MAP1B: variants seen among roughly 807,000 people sequenced by gnomAD.
The protein encoded by MAP1B is microtubule associated protein 1B.
Under a neutral mutation model 176.1 loss-of-function variants are expected in MAP1B, and 12 were observed. The observed-to-expected ratio is 0.07, with a 90% confidence interval of 0.04 to 0.11. The LOEUF (loss-of-function observed/expected upper bound fraction) is 0.11, where lower values mean the gene tolerates loss of function less well. Among genes scored for constraint, MAP1B ranks in the 10% least tolerant of loss-of-function variants. The pLI is 1.00. For missense variants in MAP1B, 2,523 were observed against 2,990.5 expected (o/e 0.84, Z 3.65); for synonymous variants, 1,044 against 1,135.0 (o/e 0.92, Z 1.61).
At chr5:72,191,949 A>G (rs1747034290) in intron 4 of MAP1B, among the ~76,000 whole-genome samples, 1 of 152,184 alleles carries the variant, frequency 6.6e-6, no homozygotes, top group Non-Finnish European at 1.5e-5. Flanking sequence ...CAACCTGGTA[A>G]TTACATACTT....
chr5:72,154,413 G>GAC (rs1746193782), intron 2 of MAP1B, among the ~76,000 whole-genome samples: 1 of 152,214 alleles, frequency 6.6e-6, no homozygotes, highest in Admixed American at 6.5e-5. Context: ...TTTGTGAACA[G>GAC]ACACAGGAGT....
Position 72,203,563 on chromosome 5 carries a change from G to A in MAP1B, c.7013G>A (p.Gly2338Glu). Reference protein sequence around the residue: ...ASKSAKTATAGPGTTKTTKSS... With the variant: ...ASKSAKTATAEPGTTKTTKSS... ...CTTTGTCTTTGTTTATTTACCCAAG[G>A]ACCAGGAACTACCAAGACGACCAAG... Residue 2338 changes from glycine to glutamate, a missense_variant and splice_region_variant, in exon 6 of 7, where the codon GGA (glycine) becomes GAA (glutamate). Gly to Glu is a moderately conservative substitution (Grantham distance 98). Transcript: ENST00000296755. 1 of 1,611,962 alleles carries A rather than the reference G, an allele frequency of 6.2e-7. No homozygotes were observed.
chr5:72,150,067 C>T (rs1047653028), intron 2 of MAP1B, among the ~76,000 whole-genome samples: 3 of 152,254 alleles, frequency 2.0e-5, no homozygotes, highest in South Asian at 2.1e-4. Flanking sequence ...TTTTACATAC[C>T]TAGGTTTTTA....
chr5:72,128,392 A>G (rs538010283), intron 2 of MAP1B, among the ~76,000 whole-genome samples: 41 of 142,740 alleles, frequency 2.9e-4, no homozygotes, highest in African/African-American at 1.0e-3. Flanking sequence ...AGAGTCATTG[A>G]TTGCAGATAT....
chr5:72,139,425 C>A (rs544918548), intron 2 of MAP1B, among the ~76,000 whole-genome samples: 5 of 152,288 alleles, frequency 3.3e-5, no homozygotes, highest in East Asian at 3.9e-4. Context: ...TGAGAGTTTT[C>A]TTCCAGGGCT....
chr5:72,163,930 C>CTTTTTTTTTTTTTTTTT (rs869167918), intron 2 of MAP1B, among the ~76,000 whole-genome samples: 12 of 43,716 alleles, frequency 2.7e-4, no homozygotes, highest in African/African-American at 5.8e-4. Flanking sequence ...TTTTTTTTTT[C>CTTTTTTTTTTTTTTTTT]TTTTTTTTTT....
intron 2 of MAP1B, among the ~76,000 whole-genome samples, chr5:72,156,410 A>T (rs906536994): frequency 4.6e-5 from 7 of 152,232 alleles, no homozygotes; most frequent in African/African-American, 1.7e-4. Flanking sequence ...TTTTAATCTC[A>T]TCCTCTTAAA....
rs1292324002 is a variant in MAP1B at position 72,193,973 on chromosome 5, C to T, written c.618C>T (p.Leu206=). 6.2e-7 allele frequency: 1 copy of T among 1,614,172 alleles called. No homozygotes were observed. Among genetic ancestry groups the T allele is most frequent in the East Asian group, 2.2e-5 (1 of 44,886 alleles). Residue 206 remains leucine (L), a synonymous_variant, in exon 5 of 7, where the codon CTC becomes CTT. Coordinates refer to ENST00000296755, the MANE Select transcript of MAP1B (RefSeq NM_005909.5). ...ACTCCAATCTTGACAGACACAATCT[C>T]CAAGACTTCATCAATATTAAACTCA... ...WKNSNLDRHN[L]QDFINIKLNS...
chr5:72,165,487 AG>A (rs1242965855), intron 2 of MAP1B, among the ~76,000 whole-genome samples: 1 of 152,200 alleles, frequency 6.6e-6, no homozygotes, highest in Non-Finnish European at 1.5e-5. Context: ...GATGTTACTT[AG>A]GGGATTCAAT....
At position 72,177,350 on chromosome 5, in the gene MAP1B, T is replaced by C. The variant is rs569879048; in HGVS notation, c.287-6393T>C. The stretch of plus-strand genomic sequence containing the variant: ...CACCTCTTTCTCTTCCTCTCTGTTT[T>C]TCGTGCTTAGAAATGATGTGGTGGG... On this transcript the variant is annotated intron_variant, in intron 2 of 6. Coordinates refer to ENST00000296755, the MANE Select transcript of MAP1B (RefSeq NM_005909.5). Among the ~76,000 whole-genome samples the C allele has an allele frequency of 2.6e-4, 38 of 148,346 alleles. No individual in the cohort carries two copies. The South Asian group carries it at 7.0e-3, about 28-fold the overall frequency.
At chr5:72,107,789 C>T in intron 1 of MAP1B, 74 bp downstream of exon 1, 1 of 1,496,722 alleles carries the variant, frequency 6.7e-7, no homozygotes, top group South Asian at 1.2e-5. Context: ...GCGCGACGGT[C>T]ACTGCGCTCC....
intron 1 of MAP1B, among the ~76,000 whole-genome samples, chr5:72,110,782 C>G (rs1464388009): frequency 6.6e-6 from 1 of 152,178 alleles, no homozygotes; most frequent in Non-Finnish European, 1.5e-5. Context: ...TTCTTGCCAT[C>G]CGATTACTGA....
At chr5:72,113,655 A>G (rs940399716) in intron 1 of MAP1B, among the ~76,000 whole-genome samples, 3 of 152,212 alleles carry the variant, frequency 2.0e-5, no homozygotes, top group Non-Finnish European at 4.4e-5. Context: ...AATTGTATGA[A>G]TTTAATTTAA....
intron 3 of MAP1B, 51 bp downstream of exon 3, chr5:72,183,876 G>C: frequency 6.7e-7 from 1 of 1,481,730 alleles, no homozygotes. Context: ...ACACTGGATA[G>C]GGACCCAGTG....
intron 4 of MAP1B, among the ~76,000 whole-genome samples, chr5:72,191,010 C>G (rs573621202): frequency 6.6e-6 from 1 of 152,322 alleles, no homozygotes; most frequent in South Asian, 2.1e-4. Context: ...AAAAGATTAT[C>G]TTTGTCCCAA....
chr5:72,198,059 T>A lies in MAP1B; in HGVS notation c.4704T>A (p.Asp1568Glu). Residue 1568 changes from aspartate (D) to glutamate (E), a missense_variant, in exon 5 of 7, where the codon GAT becomes GAA. Asp to Glu is a conservative substitution (Grantham distance 45). This residue lies in a region of MAP1B where 1,925 missense variants were observed against 2,126.0 expected (regional missense o/e 0.91). Coordinates refer to ENST00000296755, the MANE Select transcript of MAP1B (RefSeq NM_005909.5). Reference protein sequence around the residue: ...ATSSFPEPTTDDVSPSLHAEV... With the variant: ...ATSSFPEPTTEDVSPSLHAEV... ...GCTCATTTCCAGAGCCAACAACAGA[T>A]GATGTGTCTCCATCTCTGCATGCTG... The A allele has an allele frequency of 6.2e-7, 1 of 1,614,236 alleles. No homozygotes were observed.
chr5:72,194,074 C>A lies in MAP1B; in HGVS notation c.719C>A (p.Pro240Gln), dbSNP rs764102991. The change falls in exon 5 of 7, where the codon CCA (proline) becomes CAA (glutamine). Residue 240 changes from proline to glutamine, a missense_variant. Around this residue, in one of 4 missense-constraint regions of MAP1B, gnomAD observed 307 missense variants for 438.4 expected, o/e 0.70. Transcript: ENST00000296755. The surrounding 1 kb of genome is among the most constrained non-coding windows in gnomAD (Gnocchi z 7.2). ...TEYLSESVEV[P>Q]SPFDILEPPT... The stretch of plus-strand genomic sequence containing the variant: ...TATCTCTCAGAATCAGTGGAAGTCC[C>A]ATCTCCCTTTGACATCTTGGAACCT... The A allele has an allele frequency of 6.2e-7, 1 of 1,614,222 alleles. No homozygotes were observed. The highest frequency in any genetic ancestry group is 8.5e-7 in the Non-Finnish European group (1 of 1,180,050).
At chr5:72,182,839 G>C (rs1260481181) in intron 2 of MAP1B, among the ~76,000 whole-genome samples, 1 of 152,102 alleles carries the variant, frequency 6.6e-6, no homozygotes, top group African/African-American at 2.4e-5. Flanking sequence ...CCACTTCCCT[G>C]TCCTTAGCAG....
At chr5:72,150,220 C>T (rs1034263270) in intron 2 of MAP1B, among the ~76,000 whole-genome samples, 10 of 152,336 alleles carry the variant, frequency 6.6e-5, no homozygotes, top group Admixed American at 2.0e-4. Flanking sequence ...GCTATTTTTA[C>T]TTTATTAGAT....
Sources: allele counts gnomAD v4.1 joint callset (sites outside exome capture counted in the v4.1 genomes callset), GRCh38; gene constraint gnomAD v4.1.1; regional missense constraint gnomAD v4.1.1; non-coding constraint Gnocchi (gnomAD v3.1); transcripts MANE v1.5; gene names NCBI Gene and HGNC (gene_info 2026-07-23, HGNC 2026-07-21).